Variants in CELF1 observed in about 807,000 individuals in gnomAD.
CELF1 encodes CUGBP Elav-like family member 1.
CELF1 carries 10 observed loss-of-function variants against 61.8 expected under a neutral mutation model. The ratio of observed to expected loss-of-function variants is 0.16; its 90% CI spans 0.10 to 0.27. The LOEUF is 0.27. Among genes scored for constraint, CELF1 ranks in the 10% least tolerant of loss-of-function variants. The pLI is 1.00. For synonymous variants in CELF1, 236 were observed against 225.1 expected (o/e 1.05, Z -0.43); for missense variants, 380 against 639.1 (o/e 0.59, Z 4.37).
At chr11:47,551,430 C>T (rs911825949) in intron 1 of CELF1, among the ~76,000 whole-genome samples, 24 of 152,174 alleles carry the variant, frequency 1.6e-4, no homozygotes, top group African/African-American at 5.3e-4. Flanking sequence ...AAACCACATA[C>T]TAGGTAAGTA....
At chr11:47,514,775 T>G (rs2095462485) in intron 1 of CELF1, 1 of 152,122 alleles carries the variant, frequency 6.6e-6, no homozygotes, top group Non-Finnish European at 1.5e-5. Context: ...GGAAGATTGC[T>G]TGAGTCCAGA....
At chr11:47,519,339 G>A (rs567453108) in intron 1 of CELF1, among the ~76,000 whole-genome samples, 2 of 151,986 alleles carry the variant, frequency 1.3e-5, no homozygotes, top group East Asian at 1.9e-4. Flanking sequence ...AAATTAGCCC[G>A]GCGTGGAGGC....
At chr11:47,527,590 T>C (rs2096291983) in intron 1 of CELF1, among the ~76,000 whole-genome samples, 1 of 152,182 alleles carries the variant, frequency 6.6e-6, no homozygotes, top group South Asian at 2.1e-4. Context: ...CTCTTCATTG[T>C]ATATACTGGC....
At chr11:47,540,836 G>T (rs908619737) in intron 1 of CELF1, among the ~76,000 whole-genome samples, 9 of 152,102 alleles carry the variant, frequency 5.9e-5, no homozygotes, top group Non-Finnish European at 1.2e-4. Context: ...AGTGAGCCGA[G>T]ATCGCGCCAC....
At chr11:47,532,511 T>C (rs1565895055) in intron 1 of CELF1, among the ~76,000 whole-genome samples, 3 of 152,204 alleles carry the variant, frequency 2.0e-5, no homozygotes, top group Non-Finnish European at 4.4e-5. Flanking sequence ...CTTCCATGGA[T>C]AGAAAGTTTC....
intron 2 of CELF1, among the ~76,000 whole-genome samples, chr11:47,500,338 T>C (rs2093741266): frequency 6.6e-6 from 1 of 152,180 alleles, no homozygotes; most frequent in Non-Finnish European, 1.5e-5. Context: ...AATCCTTTGT[T>C]CAGTAACACT....
intron 1 of CELF1, among the ~76,000 whole-genome samples, chr11:47,540,874 G>C (rs1461211648): frequency 6.7e-6 from 1 of 149,494 alleles, no homozygotes. Flanking sequence ...GACAGAGAGA[G>C]ACTCCATCTC....
intron 6 of CELF1, among the ~76,000 whole-genome samples, chr11:47,484,859 G>T (rs1022490874): frequency 6.6e-6 from 1 of 152,034 alleles, no homozygotes; most frequent in Non-Finnish European, 1.5e-5. Flanking sequence ...TGTATTTTTA[G>T]TAGAGATGGG....
At chr11:47,478,984 T>C in intron 9 of CELF1, 32 bp from the exon 10 acceptor site, 2 of 1,565,236 alleles carry the variant, frequency 1.3e-6, no homozygotes, top group Non-Finnish European at 1.7e-6. Context: ...AGAACAAGAG[T>C]GAGAGTGAGG....
At position 47,475,437 on chromosome 11, in the gene CELF1, T is replaced by C. The variant is rs1198842749; in HGVS notation, c.1172A>G (p.Tyr391Cys). ...GSTMEALTQA[Y>C]SGIQQYAAAA... ...AGCAGCATATTGCTGGATACCCGAG[T>C]AGGCCTGAGTGAGGGCCTCCATGGT... Residue 391 changes from tyrosine to cysteine, a missense_variant, in exon 13 of 15, where the codon TAC becomes TGC. By Grantham distance (194) the Tyr-to-Cys change is radical. Coordinates refer to ENST00000687097, the MANE Select transcript of CELF1 (RefSeq NM_001376376.1). 5.0e-6 allele frequency: 8 copies of C among 1,613,958 alleles called. No homozygotes were observed. Among genetic ancestry groups the C allele is most frequent in the Non-Finnish European group, 6.8e-6 (8 of 1,180,046 alleles).
intron 9 of CELF1, among the ~76,000 whole-genome samples, chr11:47,480,468 C>T (rs2082382707): frequency 1.3e-5 from 2 of 152,180 alleles, no homozygotes; most frequent in African/African-American, 2.4e-5. Flanking sequence ...CTTCATTTCC[C>T]TCCAAATGAG....
chr11:47,545,043 G>T (rs939228760), intron 1 of CELF1, among the ~76,000 whole-genome samples: 1 of 152,108 alleles, frequency 6.6e-6, no homozygotes, highest in African/African-American at 2.4e-5. Flanking sequence ...AACACTTTGG[G>T]AGGCCCAGAC....
intron 1 of CELF1, among the ~76,000 whole-genome samples, chr11:47,546,046 G>A (rs2096937387): frequency 6.6e-6 from 1 of 151,308 alleles, no homozygotes; most frequent in South Asian, 2.1e-4. Flanking sequence ...AAGTAGCTGC[G>A]ACTACAGGTG....
At chr11:47,559,039 C>T (rs961310793) in intron 2 of CELF1, among the ~76,000 whole-genome samples, 3 of 140,578 alleles carry the variant, frequency 2.1e-5, no homozygotes, top group Non-Finnish European at 4.5e-5. Flanking sequence ...TAATATGTTA[C>T]ATATAATAAT....
At chr11:47,531,414 A>G (rs2096469600) in intron 1 of CELF1, among the ~76,000 whole-genome samples, 1 of 152,150 alleles carries the variant, frequency 6.6e-6, no homozygotes, top group Non-Finnish European at 1.5e-5. Context: ...CTAAAAATAC[A>G]AAGCATTAGC....
At chr11:47,557,224 T>C (rs572764993), upstream of CELF1, among the ~76,000 whole-genome samples, 2 of 148,900 alleles carry the variant, frequency 1.3e-5, no homozygotes, top group African/African-American at 2.5e-5. Flanking sequence ...TTGTTTTGTT[T>C]TGTTTTTTTT....
chr11:47,507,754 A>G (rs1292156130), intron 1 of CELF1, among the ~76,000 whole-genome samples: 1 of 152,214 alleles, frequency 6.6e-6, no homozygotes, highest in Non-Finnish European at 1.5e-5. Flanking sequence ...CTAGTAAGAC[A>G]CTGCCTATCC....
chr11:47,489,378 AAAAC>A (rs1253803918), intron 3 of CELF1, among the ~76,000 whole-genome samples: 2 of 152,234 alleles, frequency 1.3e-5, no homozygotes, highest in African/African-American at 4.8e-5. Context: ...CATAGTTAAC[AAAAC>A]AAACACTTAA....
At chr11:47,529,145 T>C (rs2096372526) in intron 1 of CELF1, among the ~76,000 whole-genome samples, 1 of 150,328 alleles carries the variant, frequency 6.7e-6, no homozygotes, top group African/African-American at 2.5e-5. Context: ...TGGCGCAATC[T>C]CAGCTCACTG....
Sources: allele counts gnomAD v4.1 joint callset (sites outside exome capture counted in the v4.1 genomes callset), GRCh38; gene constraint gnomAD v4.1.1; transcripts MANE v1.5; gene names NCBI Gene and HGNC (gene_info 2026-07-23, HGNC 2026-07-21).